Variants in RSRP1 observed in about 807,000 individuals in gnomAD.
The protein encoded by RSRP1 is arginine and serine rich protein 1.
RSRP1 carries 37 observed loss-of-function variants against 33.0 expected under a neutral mutation model. That is an observed-to-expected ratio of 1.12 (90% CI 0.86 to 1.48). The LOEUF (loss-of-function observed/expected upper bound fraction) is 1.48. RSRP1 is among the 40% of genes most tolerant of loss of function. The pLI is 0.00. For synonymous variants in RSRP1, 167 were observed against 158.7 expected, an observed-to-expected ratio of 1.05 and a Z score of -0.40; for missense variants, 402 against 385.3, an observed-to-expected ratio of 1.04 and a Z score of -0.36.
chr1:25,321,674 T>TAAATAAAATAAAATAAAATAAAATA (rs56928540), intron 1 of RSRP1, among the ~76,000 whole-genome samples: 6,718 of 91,166 alleles, frequency 0.074, 1,298 homozygotes, highest in South Asian at 0.12. Flanking sequence ...TGTCTCAAAA[T>TAAATAAAATAAAATAAAATAAAATA]AAATAAAATA....
chr1:25,322,777 C>T (rs1329271436), intron 1 of RSRP1, among the ~76,000 whole-genome samples: 1 of 121,676 alleles, frequency 8.2e-6, no homozygotes, highest in African/African-American at 2.8e-5. Flanking sequence ...TATTAGCCGG[C>T]GACCTAGAGA....
rs1227480194 is a variant in RSRP1 at position 25,331,430 on chromosome 1, T to C, written c.-67+6548A>G. Among the ~76,000 whole-genome samples the C allele has an allele frequency of 3.8e-5, 5 of 132,476 alleles. 2 individuals are homozygous for C. Among genetic ancestry groups the C allele is most frequent in the African/African-American group, 7.7e-5 (3 of 38,824 alleles). The allele number at this position is 132,476 out of a possible 152,430, so 86.9% of individuals were successfully genotyped here. On this transcript the variant is annotated intron_variant, in intron 1 of 1. Coordinates refer to the RSRP1 transcript ENST00000561867. The stretch of plus-strand genomic sequence containing the variant: ...ATCTGAGGGAGCTCAATTCAGTAAA[T>C]AGCAGTAGTCATTAATGGACAATGT...
At position 25,246,518 on chromosome 1, in the gene RSRP1, T is replaced by A; in HGVS notation, c.446A>T (p.Glu149Val). ...YYGFGRTVYP[E>V]EHSRWRDRSR... ...TCTGTCCCTCCATCTGCTGTGCTCCTCCGGGTACACTGTGCGACCAAAGCC... is the reference window on the plus strand; with the variant it reads ...TCTGTCCCTCCATCTGCTGTGCTCCACCGGGTACACTGTGCGACCAAAGCC... Residue 149 changes from glutamate to valine, a missense_variant, in exon 2 of 5, where the codon GAG (glutamate) becomes GTG (valine). Transcript: ENST00000243189. The A allele has an allele frequency of 6.2e-7, 1 of 1,614,234 alleles. No homozygotes were observed. Among genetic ancestry groups the A allele is most frequent in the Non-Finnish European group, 8.5e-7 (1 of 1,180,040 alleles).
At chr1:25,245,343 G>T in intron 2 of RSRP1, 42 bp from the exon 3 acceptor site, 1 of 1,565,760 alleles carries the variant, frequency 6.4e-7, no homozygotes. Flanking sequence ...TCATTAATCT[G>T]GTAGTTATTT....
intron 1 of RSRP1, among the ~76,000 whole-genome samples, chr1:25,261,768 G>A (rs1247200061): frequency 7.1e-6 from 1 of 141,276 alleles, no homozygotes; most frequent in Non-Finnish European, 1.5e-5. Context: ...CTGGAGTGCA[G>A]TGTTATGATT....
In RSRP1 at chr1:25,305,629, C is replaced by G. The variant is rs1329560535; in HGVS notation, c.-67+32349G>C. 2.4e-5 allele frequency among the ~76,000 whole-genome samples: 3 copies of G among 126,344 alleles called. 1 individual carries two copies. Among genetic ancestry groups the G allele is most frequent in the African/African-American group, 8.3e-5 (3 of 36,266 alleles). The allele number at this position is 126,344 out of a possible 152,430, so 82.9% of individuals were successfully genotyped here. On this transcript the variant is annotated intron_variant, in intron 1 of 1. Transcript: ENST00000561867. The stretch of plus-strand genomic sequence containing the variant: ...GTTGTTGTTGTTGTTGAGACGGTGT[C>G]TCGCTCTTTTGCCCAGGCTGGAGTG...
intron 1 of RSRP1, chr1:25,337,219 G>C (rs1352042776): frequency 6.6e-6 from 1 of 151,602 alleles, no homozygotes; most frequent in Non-Finnish European, 1.5e-5. Flanking sequence ...TACCGGACAG[G>C]CACCAAGGAG....
chr1:25,251,057 C>T (rs933093428), upstream of RSRP1, among the ~76,000 whole-genome samples: 12 of 151,708 alleles, frequency 7.9e-5, no homozygotes, highest in African/African-American at 2.4e-4. Context: ...AATGTAGGGG[C>T]TTATGTGCAA....
upstream of RSRP1, among the ~76,000 whole-genome samples, chr1:25,251,073 G>A (rs1201699142): frequency 6.6e-6 from 1 of 151,912 alleles, no homozygotes; most frequent in Non-Finnish European, 1.5e-5. Context: ...TGCAAGGGCA[G>A]GGAAAGAACT....
upstream of RSRP1, among the ~76,000 whole-genome samples, chr1:25,251,840 G>T (rs1031834548): frequency 1.3e-5 from 2 of 151,626 alleles, no homozygotes; most frequent in African/African-American, 2.4e-5. Context: ...ACAGTTTAAC[G>T]AGTGCCCTTC....
At chr1:25,268,194 G>A (rs1369087406) in intron 1 of RSRP1, among the ~76,000 whole-genome samples, 1 of 133,302 alleles carries the variant, frequency 7.5e-6, no homozygotes, top group Non-Finnish European at 1.8e-5. Flanking sequence ...TCTTCATGTT[G>A]CTCAGATTCT....
In RSRP1 at chr1:25,271,127, C is replaced by G. The variant is rs1571553733; in HGVS notation, c.-66-24098G>C. Among the ~76,000 whole-genome samples the G allele has an allele frequency of 4.5e-5, 6 of 132,462 alleles. No individual in the cohort carries two copies. The South Asian group carries it at 1.4e-3, about 31-fold the overall frequency. 86.9% of individuals were successfully genotyped at this position (132,462 alleles called of 152,430 possible). On this transcript the variant is annotated intron_variant, in intron 1 of 1. Transcript: ENST00000561867. Reference sequence around the variant, plus strand: ...TCCTGTAGTTTTCTTAACCAACCCCCTGCTAGTGGACATTTAGGTTAGTCT... The same window carrying G: ...TCCTGTAGTTTTCTTAACCAACCCCGTGCTAGTGGACATTTAGGTTAGTCT...
intron 1 of RSRP1, among the ~76,000 whole-genome samples, chr1:25,254,229 C>T (rs1211118419): frequency 7.9e-5 from 12 of 152,124 alleles, no homozygotes. Flanking sequence ...CCTACTGCTC[C>T]TCTTAGTGAT....
At chr1:25,276,389 T>C (rs1254339546) in intron 1 of RSRP1, among the ~76,000 whole-genome samples, 1 of 121,594 alleles carries the variant, frequency 8.2e-6, no homozygotes, top group East Asian at 2.0e-4. Context: ...TTTTCGTATA[T>C]GCTTTAAAAG....
chr1:25,286,192 T>G lies in RSRP1; in HGVS notation c.-66-39163A>C, dbSNP rs1641973261. On this transcript the variant is annotated intron_variant, in intron 1 of 1. Coordinates refer to the RSRP1 transcript ENST00000561867. Reference sequence around the variant, plus strand: ...GAAAAAACTTTATATATTTTTCTTTTTTAAAAGGTTTAGAGGCTGGGCATG... The same window carrying G: ...GAAAAAACTTTATATATTTTTCTTTGTTAAAAGGTTTAGAGGCTGGGCATG... Among the ~76,000 whole-genome samples, 3 of 135,412 alleles carry G rather than the reference T, an allele frequency of 2.2e-5. 1 individual carries two copies. The highest frequency in any genetic ancestry group is 2.1e-4 in the Admixed American group (3 of 14,030). 88.8% of individuals were successfully genotyped at this position (135,412 alleles called of 152,430 possible).
In RSRP1 at chr1:25,268,442, C is replaced by A. The variant is rs1193066333; in HGVS notation, c.-66-21413G>T. ...GCTGAGGAAGGAGAATCGCTTGAAC[C>A]TAAAAGGCAGAAGTTGCAATGAGCC... On this transcript the variant is annotated intron_variant, in intron 1 of 1. Coordinates refer to the RSRP1 transcript ENST00000561867. Among the ~76,000 whole-genome samples the A allele has an allele frequency of 1.1e-4, 15 of 130,664 alleles. 4 individuals are homozygous for A. Among genetic ancestry groups the A allele is most frequent in the Non-Finnish European group, 2.5e-4 (14 of 55,208 alleles). The allele number at this position is 130,664 out of a possible 152,430, so 85.7% of individuals were successfully genotyped here.
chr1:25,319,643 G>T (rs1247221321), intron 1 of RSRP1, among the ~76,000 whole-genome samples: 1 of 132,008 alleles, frequency 7.6e-6, no homozygotes, highest in East Asian at 2.0e-4. Context: ...ACAATGGAAG[G>T]GGGAAAAAGT....
chr1:25,245,312 AAGAG>A lies in RSRP1; in HGVS notation c.521-15_521-12del, dbSNP rs565029376. The A allele has an allele frequency of 5.2e-5, 84 of 1,603,138 alleles. No homozygotes were observed. Among genetic ancestry groups the A allele is most frequent in the Middle Eastern group, 1.7e-4 (1 of 6,036 alleles). ...ACAGCTCCATTCGATCTAAAAAAAA[AAGAG>A]AGAGATTTTAAAATACTCATTAATC... On this transcript the variant is annotated splice_polypyrimidine_tract_variant and intron_variant, in intron 2 of 4. Transcript: ENST00000243189.
At chr1:25,301,840 T>G (rs188009486) in intron 1 of RSRP1, among the ~76,000 whole-genome samples, 1 of 132,098 alleles carries the variant, frequency 7.6e-6, no homozygotes, top group East Asian at 2.0e-4. Flanking sequence ...CTAGGTAGAA[T>G]GCTGGGTGGT....
Sources: allele counts gnomAD v4.1 joint callset (sites outside exome capture counted in the v4.1 genomes callset), GRCh38; gene constraint gnomAD v4.1.1; transcripts MANE v1.5; gene names NCBI Gene and HGNC (gene_info 2026-07-23, HGNC 2026-07-21).